TUBGCP5: variants seen among roughly 807,000 people sequenced by gnomAD.
TUBGCP5 encodes the protein tubulin gamma complex component 5, also known as gamma-tubulin complex component 5.
A neutral mutation model predicts 134.7 loss-of-function variants in TUBGCP5; 98 were observed. The observed-to-expected ratio is 0.73, with a 90% CI of 0.62 to 0.86. TUBGCP5 has a LOEUF of 0.86. TUBGCP5 is among the 40% of genes least tolerant of loss of function. The pLI, the probability that TUBGCP5 is intolerant of heterozygous loss-of-function variation, is 0.00. For synonymous variants in TUBGCP5, 456 were observed against 431.4 expected, an observed-to-expected ratio of 1.06 and a Z score of -0.71; for missense variants, 1,150 against 1,244.8, an observed-to-expected ratio of 0.92 and a Z score of 1.15.
chr15:23,026,902 C>T (rs2066014108), intron 7 of TUBGCP5, among the ~76,000 whole-genome samples: 2 of 152,074 alleles, frequency 1.3e-5, no homozygotes, highest in South Asian at 4.1e-4. Context: ...CACTGCACTC[C>T]AGCCAGGGTG....
intron 3 of TUBGCP5, among the ~76,000 whole-genome samples, chr15:23,034,492 C>T (rs1317687693): frequency 6.6e-6 from 1 of 152,104 alleles, no homozygotes; most frequent in Non-Finnish European, 1.5e-5. Flanking sequence ...CGAAGTGTTC[C>T]AATGAAAAAT....
chr15:23,033,634 TAAGTCA>T (rs1200316185), intron 3 of TUBGCP5, among the ~76,000 whole-genome samples: 30 of 152,204 alleles, frequency 2.0e-4, no homozygotes, highest in African/African-American at 7.0e-4. Flanking sequence ...AGTGAAACAC[TAAGTCA>T]AAGAGTGTTT....
chr15:22,984,971 C>G (rs952718132), intron 23 of TUBGCP5, among the ~76,000 whole-genome samples: 7 of 152,098 alleles, frequency 4.6e-5, no homozygotes, highest in African/African-American at 1.7e-4. Flanking sequence ...TACTGCAATA[C>G]ATATAACAGA....
chr15:22,987,895 CAAA>C (rs869168765), intron 23 of TUBGCP5, among the ~76,000 whole-genome samples: 2 of 20,468 alleles, frequency 9.8e-5, no homozygotes, highest in African/African-American at 1.7e-4. Flanking sequence ...GACTCCATCT[CAAA>C]AAAAAAAAAA....
chr15:23,030,364 G>A (rs991215854), intron 6 of TUBGCP5, among the ~76,000 whole-genome samples: 6 of 152,094 alleles, frequency 3.9e-5, no homozygotes, highest in Admixed American at 1.3e-4. Flanking sequence ...TAGAAAGTCC[G>A]GAATAAATGC....
Position 23,003,093 on chromosome 15 carries a change from C to G in TUBGCP5, c.2899G>C (p.Gly967Arg). ...VLNLALMFADGWQAGLGTWRM... is the reference protein window; with the variant it reads ...VLNLALMFADRWQAGLGTWRM... The stretch of plus-strand genomic sequence containing the variant: ...CAAGTGCCCAGGCCTGCCTGCCAAC[C>G]GTCTGCAAACATGAGAGCCAAGTTC... Residue 967 changes from glycine to arginine, a missense_variant, in exon 21 of 23, where the codon GGT (glycine) becomes CGT (arginine). Coordinates refer to ENST00000615383, the MANE Select transcript of TUBGCP5 (RefSeq NM_052903.6). 1 of 1,614,104 alleles carries G rather than the reference C, an allele frequency of 6.2e-7. No individual in the cohort carries two copies. Among genetic ancestry groups the G allele is most frequent in the Non-Finnish European group, 8.5e-7 (1 of 1,180,002 alleles).
intron 1 of TUBGCP5, among the ~76,000 whole-genome samples, chr15:23,039,189 G>C (rs1340293424): frequency 2.0e-5 from 3 of 152,012 alleles, no homozygotes; most frequent in South Asian, 2.1e-4. Context: ...ACGCGTCCCG[G>C]GTAACACGCC....
At chr15:22,988,593 G>T (rs927775785) in intron 23 of TUBGCP5, among the ~76,000 whole-genome samples, 1 of 151,380 alleles carries the variant, frequency 6.6e-6, no homozygotes, top group African/African-American at 2.4e-5. Context: ...AAAATTAGCC[G>T]GGCGTGGTGG....
At chr15:23,011,088 A>C in intron 14 of TUBGCP5, 45 bp downstream of exon 14, 1 of 1,592,662 alleles carries the variant, frequency 6.3e-7, no homozygotes, top group Non-Finnish European at 8.6e-7. Context: ...ACATTGCACA[A>C]ATGATGCCAT....
Position 23,039,430 on chromosome 15 carries a change from C to A in TUBGCP5, c.114G>T (p.Gln38His). Residue 38 changes from glutamine to histidine, a missense_variant, in exon 1 of 23, where the codon CAG becomes CAT. This residue lies in a region of TUBGCP5 where 453 missense variants were observed against 394.7 expected (regional missense o/e 1.15). Transcript: ENST00000615383. ...TGGACCAGGCGAAGTTTAGGGCGAGCTGGAAGTTGGGGTCTGCCTCGTCCT... is the reference window on the plus strand; with the variant it reads ...TGGACCAGGCGAAGTTTAGGGCGAGATGGAAGTTGGGGTCTGCCTCGTCCT... ...GLQDEADPNF[Q>H]LALNFAWSNF... 6.5e-7 allele frequency: 1 copy of A among 1,531,300 alleles called. No individual in the cohort carries two copies. The highest frequency in any genetic ancestry group is 1.2e-5 in the South Asian group (1 of 82,546). 94.9% of individuals were successfully genotyped at this position (1,531,300 alleles called of 1,614,324 possible).
intron 19 of TUBGCP5, among the ~76,000 whole-genome samples, chr15:23,005,205 C>T (rs1309544778): frequency 2.6e-5 from 4 of 152,104 alleles, no homozygotes; most frequent in Non-Finnish European, 5.9e-5. Flanking sequence ...GTGCCTGTCC[C>T]CAGGGGCTGC....
intron 8 of TUBGCP5, among the ~76,000 whole-genome samples, chr15:23,025,092 G>T (rs1002024474): frequency 6.6e-6 from 1 of 151,986 alleles, no homozygotes; most frequent in African/African-American, 2.4e-5. Context: ...TGTAGATACG[G>T]GGTTTCACCA....
At chr15:22,984,799 G>C (rs1461088453) in intron 23 of TUBGCP5, among the ~76,000 whole-genome samples, 1 of 152,010 alleles carries the variant, frequency 6.6e-6, no homozygotes, top group African/African-American at 2.4e-5. Flanking sequence ...AAACATAAGA[G>C]AATAATTTTA....
chr15:23,039,097 G>C (rs780986310), intron 1 of TUBGCP5, among the ~76,000 whole-genome samples: 22 of 152,002 alleles, frequency 1.4e-4, no homozygotes, highest in Middle Eastern at 3.2e-3. Flanking sequence ...AGTCCCGCCT[G>C]GGCCTCCCAG....
downstream of TUBGCP5, among the ~76,000 whole-genome samples, chr15:22,997,124 T>C (rs2064121547): frequency 6.6e-6 from 1 of 152,140 alleles, no homozygotes; most frequent in Non-Finnish European, 1.5e-5. Context: ...GTCTGTGGCC[T>C]GTATTACCAT....
intron 23 of TUBGCP5, among the ~76,000 whole-genome samples, chr15:22,990,035 C>G (rs540514952): frequency 1.3e-5 from 2 of 152,308 alleles, no homozygotes; most frequent in South Asian, 4.1e-4. Context: ...TGAGATCACA[C>G]ATGAACCATG....
At chr15:23,017,663 G>T in intron 13 of TUBGCP5, 110 bp downstream of exon 13, 1 of 1,068,784 alleles carries the variant, frequency 9.4e-7, no homozygotes, top group Non-Finnish European at 1.3e-6. Flanking sequence ...ACCGAAATAA[G>T]AGGGTTTGAT....
chr15:23,033,354 C>T (rs1295243105), intron 3 of TUBGCP5, among the ~76,000 whole-genome samples: 2 of 151,882 alleles, frequency 1.3e-5, no homozygotes, highest in Non-Finnish European at 2.9e-5. Context: ...CTCAGCTCAC[C>T]GCAACCTCAG....
downstream of TUBGCP5, among the ~76,000 whole-genome samples, chr15:22,996,056 C>A (rs1168804246): frequency 6.6e-6 from 1 of 152,216 alleles, no homozygotes; most frequent in Non-Finnish European, 1.5e-5. Context: ...TAGCTTTTAG[C>A]TCTTATGAAT....
Sources: gnomAD v4.1 joint callset for allele counts (sites outside exome capture counted in the v4.1 genomes callset) on GRCh38, gnomAD v4.1.1 for gene constraint, gnomAD v4.1.1 regional missense constraint, MANE v1.5 for transcripts, NCBI Gene and HGNC (gene_info 2026-07-23, HGNC 2026-07-21) for gene names.